Variants in CREM observed in about 807,000 individuals in gnomAD.
CREM encodes cAMP responsive element modulator, also known as cAMP-responsive element modulator.
CREM carries 13 observed loss-of-function variants against 37.3 expected under a neutral mutation model. That is an observed-to-expected ratio of 0.35 (90% CI 0.23 to 0.55). The LOEUF is 0.55. Ranked by LOEUF, CREM falls within the 20% of genes least tolerant of loss-of-function variation. The probability of loss-of-function intolerance (pLI) is 0.88; values close to 1 mark genes in which losing one functional copy is unlikely to be tolerated. For missense variants in CREM, 296 were observed against 362.3 expected, an observed-to-expected ratio of 0.82 and a Z score of 1.49; for synonymous variants, 124 against 120.2, an observed-to-expected ratio of 1.03 and a Z score of -0.21.
chr10:35,158,801 TTTTTTTTGTTGTTTTGTTTG>T (rs2093085726), intron 3 of CREM, among the ~76,000 whole-genome samples: 1 of 128,506 alleles, frequency 7.8e-6, no homozygotes, highest in Non-Finnish European at 1.7e-5. Context: ...ATATAGTGTT[TTTTTTTTGTTGTTTTGTTTG>T]TTTTTTTTTT....
intron 6 of CREM, among the ~76,000 whole-genome samples, chr10:35,205,687 G>A (rs1052183882): frequency 6.6e-6 from 1 of 152,204 alleles, no homozygotes; most frequent in Non-Finnish European, 1.5e-5. Flanking sequence ...GGCCGGGCGT[G>A]GTGGCTCACG....
intron 6 of CREM, among the ~76,000 whole-genome samples, chr10:35,194,097 C>CAAAAGAAAAAAAAAAAAAAAAAAAA (rs2095041525): frequency 4.0e-5 from 1 of 25,052 alleles, no homozygotes; most frequent in Non-Finnish European, 6.7e-5. Flanking sequence ...GACTTCATCT[C>CAAAAGAAAAAAAAAAAAAAAAAAAA]AAAAAAAAAA....
chr10:35,129,105 A>G (rs549044368), intron 1 of CREM, among the ~76,000 whole-genome samples: 2 of 152,374 alleles, frequency 1.3e-5, no homozygotes, highest in South Asian at 4.1e-4. Context: ...ATCTGTAAAT[A>G]GATGAATATA....
intron 3 of CREM, among the ~76,000 whole-genome samples, chr10:35,151,307 T>A (rs1023505075): frequency 3.3e-5 from 5 of 152,232 alleles, no homozygotes; most frequent in African/African-American, 1.2e-4. Flanking sequence ...GGAGTTTTGC[T>A]GTTTTTCTAT....
intron 1 of CREM, among the ~76,000 whole-genome samples, chr10:35,131,538 T>C (rs1048541383): frequency 2.6e-5 from 4 of 152,216 alleles, no homozygotes; most frequent in African/African-American, 9.6e-5. Flanking sequence ...TTTGGAATTA[T>C]GACAACTGTA....
At chr10:35,181,350 A>G (rs573947872) in intron 5 of CREM, among the ~76,000 whole-genome samples, 11 of 152,342 alleles carry the variant, frequency 7.2e-5, no homozygotes, top group Middle Eastern at 3.4e-3. Flanking sequence ...GGGGAAAAAG[A>G]CATGCTACTA....
At chr10:35,173,379 A>G (rs904700561) in intron 3 of CREM, among the ~76,000 whole-genome samples, 1 of 152,222 alleles carries the variant, frequency 6.6e-6, no homozygotes, top group African/African-American at 2.4e-5. Context: ...AACTAAAGCA[A>G]CATACTGCAA....
Position 35,206,940 on chromosome 10 carries a change from C to G in CREM, c.644C>G (p.Ala215Gly), listed in dbSNP as rs532584180. 1.2e-6 allele frequency: 2 copies of G among 1,614,020 alleles called. No individual in the cohort carries two copies. Among genetic ancestry groups the G allele is most frequent in the South Asian group, 2.2e-5 (2 of 91,078 alleles). ...ACTTACCAGATCCGAGCTCCTACTG[C>G]TGCTTTGCCACAGGGAGTGGTGATG... ...MPTYQIRAPTAALPQGVVMAA... is the reference protein window; with the variant it reads ...MPTYQIRAPTGALPQGVVMAA... The change falls in exon 7 of 8, where the codon GCT becomes GGT. Residue 215 changes from alanine to glycine, a missense_variant. This residue lies in a region of CREM where 257 missense variants were observed against 280.2 expected (regional missense o/e 0.92). Coordinates refer to ENST00000685392, the MANE Select transcript of CREM (RefSeq NM_183011.2).
intron 7 of CREM, among the ~76,000 whole-genome samples, chr10:35,209,955 A>G (rs557369201): frequency 1.7e-4 from 26 of 152,294 alleles, no homozygotes; most frequent in Admixed American, 1.7e-3. Flanking sequence ...CTGGCTAGGA[A>G]GCAGGGGTTG....
chr10:35,203,516 A>C (rs939365164), intron 6 of CREM, among the ~76,000 whole-genome samples: 18 of 151,936 alleles, frequency 1.2e-4, no homozygotes, highest in African/African-American at 4.1e-4. Context: ...GAATGGTGAA[A>C]TCTCATCTCT....
chr10:35,185,106 CTTTT>C (rs34532646), intron 5 of CREM, among the ~76,000 whole-genome samples: 1 of 135,410 alleles, frequency 7.4e-6, no homozygotes, highest in Non-Finnish European at 1.6e-5. Flanking sequence ...CTTTGTACTT[CTTTT>C]TTTTTTTTTT....
At chr10:35,184,560 T>C (rs2094473799) in intron 5 of CREM, among the ~76,000 whole-genome samples, 2 of 152,324 alleles carry the variant, frequency 1.3e-5, no homozygotes, top group African/African-American at 4.8e-5. Context: ...AAAATGAGGC[T>C]GACGTGCCTG....
chr10:35,142,861 GC>G (rs982434581), intron 2 of CREM, among the ~76,000 whole-genome samples: 3 of 152,134 alleles, frequency 2.0e-5, no homozygotes, highest in Admixed American at 2.0e-4. Flanking sequence ...TTCTGCCTTG[GC>G]CCCCCAGAGT....
chr10:35,187,353 G>A (rs955587226), intron 5 of CREM, among the ~76,000 whole-genome samples: 22 of 145,198 alleles, frequency 1.5e-4, no homozygotes, highest in Middle Eastern at 3.5e-3. Context: ...TCCAACTCCC[G>A]GGTTCAAGTG....
intron 3 of CREM, among the ~76,000 whole-genome samples, chr10:35,168,849 T>C (rs1255903222): frequency 6.6e-6 from 1 of 152,242 alleles, no homozygotes; most frequent in Non-Finnish European, 1.5e-5. Context: ...ATTAATTAAA[T>C]AGGGAATCCT....
intron 6 of CREM, among the ~76,000 whole-genome samples, chr10:35,195,459 A>G (rs1175744341): frequency 1.3e-5 from 2 of 149,920 alleles, no homozygotes; most frequent in East Asian, 3.9e-4. Context: ...TCCTCCCTCT[A>G]TCCTCCCTCC....
At chr10:35,189,445 G>A (rs1039352658) in intron 6 of CREM, among the ~76,000 whole-genome samples, 4 of 152,048 alleles carry the variant, frequency 2.6e-5, no homozygotes, top group Middle Eastern at 3.2e-3. Context: ...TGGTCCATTC[G>A]CTTAGGATTT....
chr10:35,183,878 C>G (rs554960953), intron 5 of CREM, among the ~76,000 whole-genome samples: 12 of 152,294 alleles, frequency 7.9e-5, no homozygotes, highest in Non-Finnish European at 1.6e-4. Flanking sequence ...CATTCGAGAC[C>G]AGCCTGGCCA....
At chr10:35,153,426 CAA>C (rs1189219241) in intron 3 of CREM, among the ~76,000 whole-genome samples, 2 of 152,092 alleles carry the variant, frequency 1.3e-5, no homozygotes, top group African/African-American at 4.8e-5. Flanking sequence ...TCTTATATAA[CAA>C]AATGTCATTA....
Sources: allele counts gnomAD v4.1 joint callset (sites outside exome capture counted in the v4.1 genomes callset), GRCh38; gene constraint gnomAD v4.1.1; regional missense constraint gnomAD v4.1.1; transcripts MANE v1.5; gene names NCBI Gene and HGNC (gene_info 2026-07-23, HGNC 2026-07-21).